SYNE2: variants seen among roughly 807,000 people sequenced by gnomAD.
SYNE2 encodes spectrin repeat containing nuclear envelope protein 2.
A neutral mutation model predicts 856.3 loss-of-function variants in SYNE2; 431 were observed. The observed-to-expected ratio is 0.50, with a 90% CI of 0.47 to 0.55. The LOEUF (loss-of-function observed/expected upper bound fraction) is 0.55. SYNE2 is among the 20% of genes least tolerant of loss of function. SYNE2 has a pLI of 0.00. For missense variants in SYNE2, 8,129 were observed against 8,023.2 expected (o/e 1.01, Z -0.50); for synonymous variants, 2,923 against 2,872.3 (o/e 1.02, Z -0.56).
intron 65 of SYNE2, among the ~76,000 whole-genome samples, chr14:64,109,535 C>T (rs1361515097): frequency 3.9e-5 from 6 of 152,114 alleles, no homozygotes; most frequent in African/African-American, 9.7e-5. Flanking sequence ...AAAACCTGAG[C>T]TTTGAACTAT....
At chr14:64,114,602 A>C (rs1595613083) in intron 66 of SYNE2, among the ~76,000 whole-genome samples, 1 of 148,826 alleles carries the variant, frequency 6.7e-6, no homozygotes. Context: ...GCATCTCGGC[A>C]CCTCTGATCT....
chr14:64,161,605 G>T (rs1055699462), intron 87 of SYNE2, among the ~76,000 whole-genome samples: 1 of 151,864 alleles, frequency 6.6e-6, no homozygotes, highest in Non-Finnish European at 1.5e-5. Flanking sequence ...ATTCATAGGC[G>T]GGGCGCACCA....
chr14:63,978,700 A>G (rs144196390), intron 13 of SYNE2, 152 bp from the exon 14 acceptor site: 27 of 616,830 alleles, frequency 4.4e-5, no homozygotes, highest in Middle Eastern at 9.0e-4. Context: ...TCGTTTTACA[A>G]TGTTTAAAAA....
rs749650446 is a variant in SYNE2 at position 64,220,631 on chromosome 14, G to T, written c.20055G>T (p.Gln6685His). ...WRGGLRQSLM[Q>H]CQDFHQLSQN... is the part of the protein sequence containing the mutation. ...GGGGCTTACGACAGTCGCTCATGCA[G>T]TGCCAGGTACGCTGACTCAGCAGCC... The change falls in exon 111 of 116, where the codon CAG (glutamine) becomes CAT (histidine). Residue 6685 changes from glutamine to histidine, a missense_variant. Around this residue, in one of 3 missense-constraint regions of SYNE2, gnomAD observed 5,410 missense variants for 5,284.8 expected, o/e 1.02. Coordinates refer to ENST00000555002, the MANE Select transcript of SYNE2 (RefSeq NM_182914.3). 2 of 1,613,860 alleles carry T rather than the reference G, an allele frequency of 1.2e-6. No homozygotes were observed. The highest frequency in any genetic ancestry group is 1.7e-6 in the Non-Finnish European group (2 of 1,180,012).
At chr14:63,787,903 T>C (rs1263417138) in intron 1 of SYNE2, among the ~76,000 whole-genome samples, 1 of 152,148 alleles carries the variant, frequency 6.6e-6, no homozygotes. Context: ...CCTGTCTGCA[T>C]CCCACTGTGC....
At chr14:64,011,917 G>A (rs1041877325) in intron 32 of SYNE2, among the ~76,000 whole-genome samples, 1 of 152,116 alleles carries the variant, frequency 6.6e-6, no homozygotes, top group Admixed American at 6.5e-5. Flanking sequence ...TTCTGCCATC[G>A]TTAGCTCCTC....
chr14:63,796,464 A>AAT (rs397787252), intron 1 of SYNE2, among the ~76,000 whole-genome samples: 1 of 151,318 alleles, frequency 6.6e-6, no homozygotes, highest in Non-Finnish European at 1.5e-5. Flanking sequence ...CTCAAAAAAA[A>AAT]TTTTTGTTTT....
chr14:64,100,531 A>AATATATAT lies in SYNE2; in HGVS notation c.12382-1368_12382-1361dup, dbSNP rs1204839640. The stretch of plus-strand genomic sequence containing the variant: ...AACTGTCTCAAAAAAAAAAAAAAAA[A>AATATATAT]ATATATATATATATATATATATATA... On this transcript the variant is annotated intron_variant, in intron 63 of 115. Coordinates refer to ENST00000555002, the MANE Select transcript of SYNE2 (RefSeq NM_182914.3). Among the ~76,000 whole-genome samples the AATATATAT allele has an allele frequency of 4.1e-3, 160 of 39,388 alleles. 2 individuals are homozygous for AATATATAT. The highest frequency in any genetic ancestry group is 6.2e-3 in the East Asian group (7 of 1,132). The allele number at this position is 39,388 out of a possible 152,430, so 25.8% of individuals were successfully genotyped here.
intron 1 of SYNE2, among the ~76,000 whole-genome samples, chr14:63,829,104 G>A (rs1261002986): frequency 6.6e-6 from 1 of 151,968 alleles, no homozygotes; most frequent in African/African-American, 2.4e-5. Flanking sequence ...ATGTAAAATG[G>A]TGCTGCCCCT....
chr14:64,047,977 A>C (rs376951710), intron 45 of SYNE2, 23 bp from the exon 46 acceptor site: 1 of 1,611,948 alleles, frequency 6.2e-7, no homozygotes, highest in Non-Finnish European at 8.5e-7. Context: ...CTATTCAGCA[A>C]TTAATCTTTT....
In SYNE2 at chr14:64,090,852, CTTATA is replaced by C. The variant is rs1567266121; in HGVS notation, c.11794-12_11794-8del. On this transcript the variant is annotated splice_polypyrimidine_tract_variant and intron_variant, in intron 59 of 115. Transcript: ENST00000555002. ...CTTTTCATTTCTGTAACATGCTCCT[CTTATA>C]TAATTAAGGTCATACTTGAAAATAT... The C allele has an allele frequency of 6.2e-7, 1 of 1,610,952 alleles. No individual in the cohort carries two copies. Among genetic ancestry groups the C allele is most frequent in the Non-Finnish European group, 8.5e-7 (1 of 1,177,594 alleles).
At chr14:63,899,502 C>T (rs1254496453) in intron 1 of SYNE2, among the ~76,000 whole-genome samples, 1 of 149,356 alleles carries the variant, frequency 6.7e-6, no homozygotes, top group African/African-American at 2.5e-5. Flanking sequence ...GTGCCTGGCC[C>T]TGTTTGTTAG....
chr14:64,094,963 T>A (rs2097664681), intron 61 of SYNE2: 1 of 168,320 alleles, frequency 5.9e-6, no homozygotes, highest in Admixed American at 6.5e-5. Flanking sequence ...GTAGTTATAT[T>A]TTCTAAAACA....
chr14:63,893,724 G>A (rs969786824), intron 1 of SYNE2, among the ~76,000 whole-genome samples: 25 of 152,188 alleles, frequency 1.6e-4, no homozygotes, highest in African/African-American at 5.6e-4. Flanking sequence ...CACAGGACTA[G>A]AATCTGGAAT....
intron 2 of SYNE2, among the ~76,000 whole-genome samples, chr14:63,924,741 G>A (rs749331920): frequency 6.8e-6 from 1 of 146,374 alleles, no homozygotes; most frequent in Non-Finnish European, 1.5e-5. Context: ...ATTAGTTTTG[G>A]TATATTTTTT....
At chr14:63,950,137 C>G in intron 7 of SYNE2, 131 bp downstream of exon 7, 3 of 1,080,084 alleles carry the variant, frequency 2.8e-6, no homozygotes, top group Non-Finnish European at 4.2e-6. Context: ...GTGCTTCTTC[C>G]ATACGTGGAA....
chr14:63,818,583 G>A (rs186123671), intron 1 of SYNE2, among the ~76,000 whole-genome samples: 151 of 151,908 alleles, frequency 9.9e-4, no homozygotes, highest in African/African-American at 3.5e-3. Flanking sequence ...TTCTCAATGT[G>A]ATATAAAGCA....
At chr14:64,006,301 C>A (rs2096795060) in intron 30 of SYNE2, among the ~76,000 whole-genome samples, 1 of 151,946 alleles carries the variant, frequency 6.6e-6, no homozygotes, top group South Asian at 2.1e-4. Flanking sequence ...TTGTCTTTTC[C>A]TTCCTCCTTG....
Position 64,173,901 on chromosome 14 carries a change from C to T in SYNE2, c.17236-1043C>T, listed in dbSNP as rs1273318477. 8.9e-6 allele frequency: 6 copies of T among 676,088 alleles called. No individual in the cohort carries two copies. In the East Asian group the frequency reaches 1.1e-4, roughly 12 times the overall value. The allele number at this position is 676,088 out of a possible 1,614,324, so 41.9% of individuals were successfully genotyped here. ...ACCTAGTTTCAATCTCTTTAAAGAA[C>T]GCCCATGTAGCCAGGTGTGGTGGCG... On this transcript the variant is annotated intron_variant, in intron 94 of 115. Coordinates refer to ENST00000555002, the MANE Select transcript of SYNE2 (RefSeq NM_182914.3).
Sources: gnomAD v4.1 joint callset for allele counts (sites outside exome capture counted in the v4.1 genomes callset) on GRCh38, gnomAD v4.1.1 for gene constraint, gnomAD v4.1.1 regional missense constraint, MANE v1.5 for transcripts, NCBI Gene and HGNC (gene_info 2026-07-23, HGNC 2026-07-21) for gene names.